Variants in SCFD2 observed in about 807,000 individuals in gnomAD.
SCFD2 encodes sec1 family domain containing 2.
A neutral mutation model predicts 58.9 loss-of-function variants in SCFD2; 54 were observed. That is an observed-to-expected ratio of 0.92 (90% CI 0.74 to 1.15). SCFD2 has a LOEUF of 1.15. Ranked by LOEUF, SCFD2 falls within the 50% of genes most tolerant of loss-of-function variation. The pLI is 0.00. For synonymous variants in SCFD2, 321 were observed against 335.9 expected (o/e 0.96, Z 0.49); for missense variants, 805 against 836.6 (o/e 0.96, Z 0.47).
chr4:53,183,957 A>C lies in SCFD2; in HGVS notation c.1312-38375T>G, dbSNP rs546932543. 2.6e-5 allele frequency among the ~76,000 whole-genome samples: 4 copies of C among 152,308 alleles called. No individual in the cohort carries two copies. The South Asian group carries it at 8.3e-4, about 32-fold the overall frequency. ...GCAAGCACATACAACAGTTAATCCA[A>C]GCAAGGATGATGATGTAGCCAGTTT... On this transcript the variant is annotated intron_variant, in intron 4 of 8. Coordinates refer to ENST00000401642, the MANE Select transcript of SCFD2 (RefSeq NM_152540.4).
At chr4:53,291,173 T>C (rs983709131) in intron 3 of SCFD2, among the ~76,000 whole-genome samples, 3 of 152,124 alleles carry the variant, frequency 2.0e-5, no homozygotes, top group Non-Finnish European at 1.5e-5. Context: ...ATATTTCTGA[T>C]GCACATTGAT....
intron 8 of SCFD2, among the ~76,000 whole-genome samples, chr4:52,876,860 G>A (rs1378549625): frequency 6.6e-6 from 1 of 152,010 alleles, no homozygotes; most frequent in Non-Finnish European, 1.5e-5. Flanking sequence ...TTCTTCGGAG[G>A]TGGTAGAGGC....
intron 5 of SCFD2, among the ~76,000 whole-genome samples, chr4:53,071,995 C>T (rs1723829543): frequency 6.6e-6 from 1 of 152,132 alleles, no homozygotes; most frequent in South Asian, 2.1e-4. Flanking sequence ...ACCACCACCA[C>T]CCTTTCTTCT....
At chr4:52,934,127 G>GA (rs978665214) in intron 5 of SCFD2, among the ~76,000 whole-genome samples, 1 of 152,090 alleles carries the variant, frequency 6.6e-6, no homozygotes, top group Non-Finnish European at 1.5e-5. Context: ...AAAAATGAAA[G>GA]AAAAAATGAT....
At chr4:53,019,727 T>C (rs1722301917) in intron 5 of SCFD2, among the ~76,000 whole-genome samples, 1 of 152,208 alleles carries the variant, frequency 6.6e-6, no homozygotes, top group Non-Finnish European at 1.5e-5. Context: ...TATAAAGTTA[T>C]GCAGCTGAGC....
chr4:53,013,539 C>T (rs1003817431), intron 5 of SCFD2, among the ~76,000 whole-genome samples: 1 of 152,156 alleles, frequency 6.6e-6, no homozygotes, highest in Non-Finnish European at 1.5e-5. Flanking sequence ...AATCATTTAG[C>T]TGTTATGTTC....
At chr4:53,214,554 C>T (rs1401791621) in intron 4 of SCFD2, among the ~76,000 whole-genome samples, 1 of 151,918 alleles carries the variant, frequency 6.6e-6, no homozygotes, top group Non-Finnish European at 1.5e-5. Flanking sequence ...GGATATTAGT[C>T]CTTTGTCAGA....
chr4:53,279,649 A>G (rs1731445551), intron 3 of SCFD2, among the ~76,000 whole-genome samples: 2 of 152,258 alleles, frequency 1.3e-5, no homozygotes, highest in African/African-American at 4.8e-5. Flanking sequence ...TGCATTAAGA[A>G]GCTGTATTAG....
chr4:53,349,363 C>G (rs568367641), intron 2 of SCFD2, among the ~76,000 whole-genome samples: 2 of 152,230 alleles, frequency 1.3e-5, no homozygotes, highest in Non-Finnish European at 2.9e-5. Context: ...GTCCAAACAT[C>G]GTGCATCAAG....
chr4:53,180,557 C>A (rs983976322), intron 4 of SCFD2, among the ~76,000 whole-genome samples: 1 of 151,954 alleles, frequency 6.6e-6, no homozygotes, highest in African/African-American at 2.4e-5. Flanking sequence ...CAGGAAAGAT[C>A]TAAAATTGAC....
chr4:53,082,070 T>C (rs1724164899), intron 5 of SCFD2, among the ~76,000 whole-genome samples: 2 of 152,356 alleles, frequency 1.3e-5, no homozygotes, highest in South Asian at 4.1e-4. Flanking sequence ...TGTATGGATA[T>C]AACACATTTT....
intron 4 of SCFD2, among the ~76,000 whole-genome samples, chr4:53,180,479 A>G (rs1485755243): frequency 6.6e-6 from 1 of 152,132 alleles, no homozygotes; most frequent in Admixed American, 6.5e-5. Flanking sequence ...ACATACCAGA[A>G]TCTCTGGGAC....
Position 53,102,102 on chromosome 4 carries a change from C to T in SCFD2, c.1561+43231G>A, listed in dbSNP as rs148512007. Among the ~76,000 whole-genome samples the T allele has an allele frequency of 1.3e-3, 197 of 152,276 alleles. 2 individuals carry two copies. Among genetic ancestry groups the T allele is most frequent in the African/African-American group, 4.4e-3 (185 of 41,576 alleles). ...CAGAACAGCAAGTCCAGCAAAAGAC[C>T]TGACCACAGGTGGAAATTATTCTAG... On this transcript the variant is annotated intron_variant, in intron 5 of 8. Transcript: ENST00000401642.
At chr4:53,140,826 C>A (rs1726113827) in intron 5 of SCFD2, among the ~76,000 whole-genome samples, 6 of 152,132 alleles carry the variant, frequency 3.9e-5, no homozygotes, top group Admixed American at 3.9e-4. Context: ...AAGACATGGG[C>A]TACAGATCCA....
At chr4:53,161,253 A>C (rs971484305) in intron 4 of SCFD2, among the ~76,000 whole-genome samples, 1 of 152,162 alleles carries the variant, frequency 6.6e-6, no homozygotes, top group African/African-American at 2.4e-5. Flanking sequence ...GTTAGTGAAA[A>C]TTCATTGAGC....
At chr4:53,066,514 G>A (rs1723667154) in intron 5 of SCFD2, among the ~76,000 whole-genome samples, 1 of 152,020 alleles carries the variant, frequency 6.6e-6, no homozygotes, top group Non-Finnish European at 1.5e-5. Flanking sequence ...ATTTTATGGT[G>A]AAACAAAACA....
At chr4:52,999,968 A>G (rs184339117) in intron 5 of SCFD2, among the ~76,000 whole-genome samples, 117 of 152,286 alleles carry the variant, frequency 7.7e-4, no homozygotes, top group African/African-American at 2.6e-3. Context: ...CCTGTGGTCT[A>G]TTTATTTACC....
intron 5 of SCFD2, among the ~76,000 whole-genome samples, chr4:53,102,543 A>C (rs1378089685): frequency 2.0e-5 from 3 of 152,240 alleles, no homozygotes; most frequent in South Asian, 2.1e-4. Flanking sequence ...ATGAAAGGAG[A>C]TCAAAAGTAC....
chr4:53,172,101 G>A (rs995508598), intron 4 of SCFD2, among the ~76,000 whole-genome samples: 3 of 151,770 alleles, frequency 2.0e-5, no homozygotes, highest in Non-Finnish European at 2.9e-5. Context: ...TCATCTCCTG[G>A]GTTCAACTGA....
Sources: allele counts gnomAD v4.1 joint callset (sites outside exome capture counted in the v4.1 genomes callset), GRCh38; gene constraint gnomAD v4.1.1; transcripts MANE v1.5; gene names NCBI Gene and HGNC (gene_info 2026-07-23, HGNC 2026-07-21).